The following TIAM1 variants were observed in gnomAD, a reference collection of about 807,000 sequenced individuals.
TIAM1 encodes the protein rho guanine nucleotide exchange factor TIAM1.
TIAM1 carries 65 observed loss-of-function variants against 163.5 expected under a neutral mutation model. The observed-to-expected ratio is 0.40, with a 90% confidence interval of 0.33 to 0.49. The LOEUF is 0.49. Among genes scored for constraint, TIAM1 ranks in the 20% least tolerant of loss-of-function variants. The probability of loss-of-function intolerance (pLI) is 0.77; values close to 1 mark genes in which losing one functional copy is unlikely to be tolerated. For synonymous variants in TIAM1, 833 were observed against 810.1 expected (o/e 1.03, Z -0.48); for missense variants, 1,789 against 2,044.7 (o/e 0.87, Z 2.41).
chr21:31,411,995 G>T (rs2077367052), intron 2 of TIAM1, among the ~76,000 whole-genome samples: 1 of 152,048 alleles, frequency 6.6e-6, no homozygotes. Flanking sequence ...TATATTTATT[G>T]CAGCAGGATT....
chr21:31,273,382 T>C (rs2073150598), intron 3 of TIAM1, among the ~76,000 whole-genome samples: 1 of 152,186 alleles, frequency 6.6e-6, no homozygotes, highest in South Asian at 2.1e-4. Flanking sequence ...GGCTCACTCC[T>C]CAGATGCACA....
chr21:31,489,884 G>A (rs977503487), intron 1 of TIAM1, among the ~76,000 whole-genome samples: 3 of 152,082 alleles, frequency 2.0e-5, no homozygotes, highest in African/African-American at 7.2e-5. Flanking sequence ...GAAAAACAAG[G>A]TTTCCGGATC....
At chr21:31,409,350 C>T (rs1277552554) in intron 2 of TIAM1, among the ~76,000 whole-genome samples, 5 of 152,144 alleles carry the variant, frequency 3.3e-5, no homozygotes, top group Non-Finnish European at 7.4e-5. Context: ...CCTCGTGATC[C>T]ACCCGCCTCG....
Position 31,266,875 on chromosome 21 carries a change from G to C in TIAM1, c.98C>G (p.Ser33Trp). Residue 33 changes from serine to tryptophan, a missense_variant, in exon 4 of 28, where the codon TCG becomes TGG. Physicochemically the swap from Ser to Trp is radical, Grantham distance 177. Coordinates refer to ENST00000541036, the MANE Select transcript of TIAM1 (RefSeq NM_001353694.2). ...GTGCCTGGTCCTCCGCGTCTTGTGCGAGAGGCGCAGGGAGCGGGAAGTGTG... is the reference window on the plus strand; with the variant it reads ...GTGCCTGGTCCTCCGCGTCTTGTGCCAGAGGCGCAGGGAGCGGGAAGTGTG... ...RKHTSRSLRLSHKTRRTRHAS... is the reference protein window; with the variant it reads ...RKHTSRSLRLWHKTRRTRHAS... 6.2e-7 allele frequency: 1 copy of C among 1,614,108 alleles called. No homozygotes were observed. The highest frequency in any genetic ancestry group is 1.7e-5 in the Admixed American group (1 of 60,024).
chr21:31,490,756 C>T (rs1249915113), intron 1 of TIAM1, among the ~76,000 whole-genome samples: 1 of 152,206 alleles, frequency 6.6e-6, no homozygotes, highest in Non-Finnish European at 1.5e-5. Flanking sequence ...GAAATGCCTG[C>T]CTCTTCATTC....
chr21:31,540,220 T>C (rs2048277448), intron 1 of TIAM1, among the ~76,000 whole-genome samples: 1 of 151,406 alleles, frequency 6.6e-6, no homozygotes, highest in Non-Finnish European at 1.5e-5. Context: ...ACCTCATCTT[T>C]ACTAAAAATA....
Position 31,195,285 on chromosome 21 carries a change from G to C in TIAM1, c.2514C>G (p.Ile838Met). 1.2e-6 allele frequency: 2 copies of C among 1,612,438 alleles called. No homozygotes were observed. The highest frequency in any genetic ancestry group is 1.7e-6 in the Non-Finnish European group (2 of 1,178,954). The change falls in exon 13 of 28, where the codon ATC (isoleucine) becomes ATG (methionine). Residue 838 changes from isoleucine (I) to methionine (M), a missense_variant. Ile to Met is a conservative substitution (Grantham distance 10, BLOSUM62 1). This residue lies in a region of TIAM1 where 456 missense variants were observed against 586.6 expected (regional missense o/e 0.78). Transcript: ENST00000541036. ...IYELLYKEIEICPKVTQSIHI... is the reference protein window; with the variant it reads ...IYELLYKEIEMCPKVTQSIHI... ...GGATGCTCTGAGTGACTTTTGGACA[G>C]ATTTCAATTTCTTTGTACAGCTGAA...
chr21:31,215,472 A>T (rs1215054605), intron 9 of TIAM1, among the ~76,000 whole-genome samples: 2 of 151,510 alleles, frequency 1.3e-5, no homozygotes, highest in Non-Finnish European at 2.9e-5. Context: ...GAGGCAAGAG[A>T]ATCACTTGAA....
chr21:31,283,590 G>A (rs1052213821), intron 2 of TIAM1, among the ~76,000 whole-genome samples: 15 of 151,546 alleles, frequency 9.9e-5, no homozygotes, highest in African/African-American at 3.4e-4. Context: ...TGTCGCCCAG[G>A]CTGGAGTGCA....
intron 15 of TIAM1, among the ~76,000 whole-genome samples, chr21:31,170,235 A>T (rs1478789989): frequency 1.3e-5 from 2 of 152,260 alleles, no homozygotes; most frequent in Non-Finnish European, 2.9e-5. Context: ...AACATAAAGA[A>T]AGCCTCAAAA....
intron 2 of TIAM1, among the ~76,000 whole-genome samples, chr21:31,389,090 G>A (rs557735735): frequency 1.5e-4 from 23 of 152,320 alleles, no homozygotes; most frequent in African/African-American, 5.3e-4. Context: ...GTGAATGGGT[G>A]TGGCTACATT....
intron 20 of TIAM1, among the ~76,000 whole-genome samples, chr21:31,144,830 G>GAAAAAAAA (rs764835303): frequency 2.6e-4 from 19 of 74,496 alleles, no homozygotes; most frequent in African/African-American, 4.3e-4. Flanking sequence ...CTCCATCTCA[G>GAAAAAAAA]AAAAAAAAAA....
At chr21:31,490,977 T>C (rs895924505) in intron 1 of TIAM1, among the ~76,000 whole-genome samples, 28 of 152,176 alleles carry the variant, frequency 1.8e-4, no homozygotes, top group Middle Eastern at 3.4e-3. Flanking sequence ...ATACAAAAAT[T>C]AGCCGGGCGT....
chr21:31,494,040 C>T (rs974907856), intron 1 of TIAM1, among the ~76,000 whole-genome samples: 4 of 152,120 alleles, frequency 2.6e-5, no homozygotes, highest in Admixed American at 6.6e-5. Flanking sequence ...TCAGCCTCCC[C>T]AGTAGCTGGG....
At chr21:31,343,709 C>T (rs1354285921) in intron 1 of TIAM1, among the ~76,000 whole-genome samples, 4 of 152,138 alleles carry the variant, frequency 2.6e-5, no homozygotes, top group Non-Finnish European at 5.9e-5. Context: ...TTTTCAATGG[C>T]ACTGACCTGC....
chr21:31,491,127 CGAAA>C (rs1466092314), intron 1 of TIAM1, among the ~76,000 whole-genome samples: 5 of 150,592 alleles, frequency 3.3e-5, no homozygotes, highest in African/African-American at 9.8e-5. Flanking sequence ...GAAATTCCGT[CGAAA>C]GAAAGAAAGA....
intron 2 of TIAM1, among the ~76,000 whole-genome samples, chr21:31,282,017 A>G (rs546952403): frequency 2.4e-4 from 36 of 152,382 alleles, no homozygotes; most frequent in African/African-American, 7.5e-4. Flanking sequence ...CTAAGGATAC[A>G]CAATTTAAAA....
intron 1 of TIAM1, among the ~76,000 whole-genome samples, chr21:31,540,087 A>T (rs2048272717): frequency 6.6e-6 from 1 of 152,048 alleles, no homozygotes; most frequent in African/African-American, 2.4e-5. Flanking sequence ...AAGGATCAAT[A>T]AAAGGTAGGA....
chr21:31,253,090 C>T (rs2071906150), intron 4 of TIAM1, among the ~76,000 whole-genome samples: 1 of 152,222 alleles, frequency 6.6e-6, no homozygotes, highest in South Asian at 2.1e-4. Context: ...AAATCAGTAT[C>T]TTAATTGCTC....
Sources: allele counts gnomAD v4.1 joint callset (sites outside exome capture counted in the v4.1 genomes callset), GRCh38; gene constraint gnomAD v4.1.1; regional missense constraint gnomAD v4.1.1; transcripts MANE v1.5; gene names NCBI Gene and HGNC (gene_info 2026-07-23, HGNC 2026-07-21).